The following ATE1 variants were observed in gnomAD, a reference collection of about 807,000 sequenced individuals.
The protein encoded by ATE1 is arginyltransferase 1.
ATE1 carries 36 observed loss-of-function variants against 70.5 expected under a neutral mutation model. That is an observed-to-expected ratio of 0.51 (90% CI 0.39 to 0.67). ATE1 has a LOEUF of 0.67. ATE1 is among the 30% of genes least tolerant of loss of function. The probability of loss-of-function intolerance (pLI) is 0.00; values close to 1 mark genes in which losing one functional copy is unlikely to be tolerated. For missense variants in ATE1, 593 were observed against 629.5 expected, an observed-to-expected ratio of 0.94 and a Z score of 0.62; for synonymous variants, 232 against 219.3, an observed-to-expected ratio of 1.06 and a Z score of -0.51.
At position 121,743,615 on chromosome 10, in the gene ATE1, C is replaced by T; in HGVS notation, c.*65G>A. On this transcript the variant is annotated 3_prime_UTR_variant, in exon 12 of 12. Coordinates refer to ENST00000224652, the MANE Select transcript of ATE1 (RefSeq NM_001001976.3). ...GGTGACAGTTATTTCCCCACAGGTA[C>T]TGAATATGTATCCTGGCACAAATCA... 1 of 1,475,806 alleles carries T rather than the reference C, an allele frequency of 6.8e-7. No homozygotes were observed. The highest frequency in any genetic ancestry group is 1.5e-5 in the South Asian group (1 of 68,026). The allele number at this position is 1,475,806 out of a possible 1,614,324, so 91.4% of individuals were successfully genotyped here. A position where few individuals can be genotyped will look rare whatever the true frequency, so the allele number is the denominator to read the frequency against.
At chr10:121,768,318 A>C (rs1945360446) in intron 11 of ATE1, among the ~76,000 whole-genome samples, 1 of 152,226 alleles carries the variant, frequency 6.6e-6, no homozygotes, top group Non-Finnish European at 1.5e-5. Flanking sequence ...ACTAACAATA[A>C]ACACATAGGA....
chr10:121,906,169 G>A (rs78101686), intron 5 of ATE1, among the ~76,000 whole-genome samples: 10,377 of 152,186 alleles, frequency 0.068, 1,091 homozygotes, highest in African/African-American at 0.23. Context: ...CAAGGTGAGA[G>A]GACTCCTTAA....
At chr10:121,805,288 G>T (rs552970328) in intron 10 of ATE1, among the ~76,000 whole-genome samples, 4 of 152,124 alleles carry the variant, frequency 2.6e-5, no homozygotes, top group Non-Finnish European at 5.9e-5. Context: ...TCTACAACTT[G>T]AAGTTACTAA....
intron 7 of ATE1, among the ~76,000 whole-genome samples, chr10:121,891,416 A>G (rs11200223): frequency 0.13 from 20,052 of 152,072 alleles, 1,518 homozygotes; most frequent in East Asian, 0.19. Context: ...GGCAGGAGAG[A>G]CCATATTGAA....
rs554301826 is a variant in ATE1, at chr10:121,865,899, C to T, written c.975+4107G>A. On this transcript the variant is annotated intron_variant, in intron 8 of 11. Transcript: ENST00000224652. ...GTGGCAGTTAACTGTTTAGGACTTA[C>T]AACAAAGGGACATGGTTCACTCATA... is the stretch of plus-strand genomic sequence containing the variant. 2.0e-5 allele frequency among the ~76,000 whole-genome samples: 3 copies of T among 152,262 alleles called. No homozygotes were observed. The East Asian group carries it at 5.8e-4, about 29-fold the overall frequency.
chr10:121,847,899 G>A (rs550232988), intron 8 of ATE1, among the ~76,000 whole-genome samples: 2 of 150,156 alleles, frequency 1.3e-5, no homozygotes, highest in East Asian at 4.0e-4. Context: ...GTGAAACCCC[G>A]TCTCTACTAA....
At chr10:121,833,011 C>T (rs1463930791) in intron 10 of ATE1, among the ~76,000 whole-genome samples, 1 of 152,160 alleles carries the variant, frequency 6.6e-6, no homozygotes, top group Non-Finnish European at 1.5e-5. Flanking sequence ...TTTATGAATG[C>T]TACCCAACTA....
chr10:121,835,195 G>C (rs1047029850), intron 10 of ATE1, among the ~76,000 whole-genome samples: 2 of 152,016 alleles, frequency 1.3e-5, no homozygotes, highest in African/African-American at 4.8e-5. Context: ...CCAAATTCAG[G>C]GGTTATCTCC....
intron 2 of ATE1, among the ~76,000 whole-genome samples, chr10:121,923,360 G>C (rs1951957114): frequency 6.6e-6 from 1 of 152,202 alleles, no homozygotes; most frequent in Admixed American, 6.5e-5. Flanking sequence ...AGCCACTGCA[G>C]AGGCTGAGGC....
rs1389533209 is a variant in ATE1, at chr10:121,902,632, T to C, written c.584-12A>G. 6.3e-7 allele frequency: 1 copy of C among 1,577,430 alleles called. No individual in the cohort carries two copies. Among genetic ancestry groups the C allele is most frequent in the Non-Finnish European group, 8.6e-7 (1 of 1,161,438 alleles). On this transcript the variant is annotated splice_polypyrimidine_tract_variant and intron_variant, in intron 5 of 11. Coordinates refer to ENST00000224652, the MANE Select transcript of ATE1 (RefSeq NM_001001976.3). ...ATCAGCCCCTTTGCCTAAAAAGAAT[T>C]TTAAAATATTAGACCAATCACATTT... is the stretch of plus-strand genomic sequence containing the variant.
intron 8 of ATE1, among the ~76,000 whole-genome samples, chr10:121,854,684 A>T (rs1949180543): frequency 6.6e-6 from 1 of 152,188 alleles, no homozygotes. Flanking sequence ...TGAGAAAGGA[A>T]AAAAAACGGT....
chr10:121,839,823 G>A (rs1204399383), intron 9 of ATE1, among the ~76,000 whole-genome samples: 1 of 152,142 alleles, frequency 6.6e-6, no homozygotes, highest in Non-Finnish European at 1.5e-5. Context: ...TTATGGACCA[G>A]ATTGTTAAAA....
intron 11 of ATE1, among the ~76,000 whole-genome samples, chr10:121,788,360 A>T (rs984717615): frequency 2.6e-5 from 4 of 152,200 alleles, no homozygotes; most frequent in Admixed American, 6.5e-5. Context: ...GGAAACCTAA[A>T]CATCTAGAAA....
At chr10:121,786,574 C>T (rs775250601) in intron 11 of ATE1, among the ~76,000 whole-genome samples, 1 of 151,218 alleles carries the variant, frequency 6.6e-6, no homozygotes, top group Admixed American at 6.6e-5. Context: ...GAGACTGAGG[C>T]GGGAGGATCG....
intron 7 of ATE1, among the ~76,000 whole-genome samples, chr10:121,873,629 C>A (rs1191298912): frequency 6.6e-6 from 1 of 150,770 alleles, no homozygotes; most frequent in African/African-American, 2.4e-5. Flanking sequence ...AAAGAAAATA[C>A]ACTGCTAATT....
chr10:121,823,705 T>G (rs910056753), intron 10 of ATE1, among the ~76,000 whole-genome samples: 1 of 152,196 alleles, frequency 6.6e-6, no homozygotes, highest in Non-Finnish European at 1.5e-5. Flanking sequence ...AGGCACTACA[T>G]CAAGCTTTCT....
chr10:121,856,846 A>G (rs1949268285), intron 8 of ATE1, among the ~76,000 whole-genome samples: 1 of 152,232 alleles, frequency 6.6e-6, no homozygotes, highest in African/African-American at 2.4e-5. Flanking sequence ...AGCGTAACAA[A>G]ATGAAGGATG....
At chr10:121,875,771 T>C (rs1399374214) in intron 7 of ATE1, among the ~76,000 whole-genome samples, 1 of 152,198 alleles carries the variant, frequency 6.6e-6, no homozygotes, top group Non-Finnish European at 1.5e-5. Flanking sequence ...CCTTCCTCCT[T>C]ACCTTAGTGA....
At chr10:121,860,090 T>G (rs1949415236) in intron 8 of ATE1, among the ~76,000 whole-genome samples, 1 of 152,194 alleles carries the variant, frequency 6.6e-6, no homozygotes, top group African/African-American at 2.4e-5. Context: ...GAAGTGAATT[T>G]TTATTGGCTT....
Sources: allele counts gnomAD v4.1 joint callset (sites outside exome capture counted in the v4.1 genomes callset), GRCh38; gene constraint gnomAD v4.1.1; transcripts MANE v1.5; gene names NCBI Gene and HGNC (gene_info 2026-07-23, HGNC 2026-07-21).